CPA6: variants seen among roughly 807,000 people sequenced by gnomAD.
CPA6 encodes the protein carboxypeptidase B.
Under a neutral mutation model 63.3 loss-of-function variants are expected in CPA6, and 58 were observed. The observed-to-expected ratio is 0.92, with a 90% CI of 0.74 to 1.14. The LOEUF is 1.14. Among genes scored for constraint, CPA6 ranks in the 50% most tolerant of loss-of-function variants. The pLI, the probability that CPA6 is intolerant of heterozygous loss-of-function variation, is 0.00. For synonymous variants in CPA6, 185 were observed against 179.0 expected (o/e 1.03, Z -0.27); for missense variants, 565 against 526.6 (o/e 1.07, Z -0.71).
intron 2 of CPA6, among the ~76,000 whole-genome samples, chr8:67,519,162 ATC>A (rs1395556971): frequency 6.6e-6 from 1 of 152,204 alleles, no homozygotes; most frequent in African/African-American, 2.4e-5. Context: ...CAGAAGCCAC[ATC>A]TGTTTCCTTA....
intron 2 of CPA6, among the ~76,000 whole-genome samples, chr8:67,600,309 A>G (rs1316316613): frequency 7.3e-6 from 1 of 136,236 alleles, no homozygotes; most frequent in African/African-American, 2.7e-5. Context: ...AATCTAAAAA[A>G]GTTGAATTCA....
intron 8 of CPA6, among the ~76,000 whole-genome samples, chr8:67,480,192 G>A (rs147509222): frequency 1.3e-5 from 2 of 152,138 alleles, no homozygotes; most frequent in African/African-American, 4.8e-5. Flanking sequence ...TAGCTGTATT[G>A]CTTTATAATC....
intron 1 of CPA6, among the ~76,000 whole-genome samples, chr8:67,729,768 A>G (rs1436814984): frequency 1.3e-5 from 2 of 152,220 alleles, no homozygotes; most frequent in African/African-American, 4.8e-5. Context: ...GATGAAACAA[A>G]TAGTTTATAG....
chr8:67,571,883 T>G (rs1483876056), intron 2 of CPA6, among the ~76,000 whole-genome samples: 1 of 152,052 alleles, frequency 6.6e-6, no homozygotes, highest in Non-Finnish European at 1.5e-5. Context: ...GGAAGATTGA[T>G]TAAACTAAGA....
At chr8:67,581,128 T>C (rs1358001501) in intron 2 of CPA6, among the ~76,000 whole-genome samples, 2 of 152,200 alleles carry the variant, frequency 1.3e-5, no homozygotes, top group Non-Finnish European at 2.9e-5. Flanking sequence ...ATATGTACTA[T>C]GTAATATTAA....
intron 2 of CPA6, among the ~76,000 whole-genome samples, chr8:67,599,298 G>A (rs1268152254): frequency 6.6e-6 from 1 of 152,158 alleles, no homozygotes; most frequent in Non-Finnish European, 1.5e-5. Flanking sequence ...TAAACTTGAT[G>A]CTTCAACTTC....
chr8:67,491,338 G>A (rs967810469), intron 6 of CPA6, among the ~76,000 whole-genome samples: 4 of 149,480 alleles, frequency 2.7e-5, no homozygotes, highest in African/African-American at 7.4e-5. Context: ...TGAAAGTAAC[G>A]AGAAGAAAAG....
At chr8:67,520,106 T>A (rs1275227329) in intron 2 of CPA6, among the ~76,000 whole-genome samples, 4 of 152,178 alleles carry the variant, frequency 2.6e-5, no homozygotes, top group East Asian at 1.9e-4. Context: ...CAGATTTTTT[T>A]ATATTAAGGA....
intron 1 of CPA6, among the ~76,000 whole-genome samples, chr8:67,662,200 C>G (rs1346103443): frequency 6.6e-6 from 1 of 152,100 alleles, no homozygotes; most frequent in East Asian, 1.9e-4. Context: ...AGAGTGTTAT[C>G]TCCTGATGGC....
In CPA6 at chr8:67,611,606, TA is replaced by T. The variant is rs1200836134; in HGVS notation, c.192+12569del. 2.6e-5 allele frequency among the ~76,000 whole-genome samples: 4 copies of T among 152,318 alleles called. No individual in the cohort carries two copies. In the East Asian group the frequency reaches 7.7e-4, roughly 29 times the overall value. On this transcript the variant is annotated intron_variant, in intron 2 of 10. Transcript: ENST00000297770. ...CTTGTGAAACTCAAGCTAGACTCCA[TA>T]AATATTTCTCCTTTGATAGCTGGTC... is the stretch of plus-strand genomic sequence containing the variant.
chr8:67,513,721 T>A (rs540926787), intron 3 of CPA6, among the ~76,000 whole-genome samples: 1 of 152,172 alleles, frequency 6.6e-6, no homozygotes, highest in Non-Finnish European at 1.5e-5. Flanking sequence ...ATCTTCCTTG[T>A]TAAGTGATTG....
chr8:67,656,512 T>C (rs1386851934), intron 1 of CPA6, among the ~76,000 whole-genome samples: 1 of 152,174 alleles, frequency 6.6e-6, no homozygotes, highest in African/African-American at 2.4e-5. Flanking sequence ...CTCTTGGTGA[T>C]GTGATATCCC....
chr8:67,531,964 GT>G (rs1812486390), intron 2 of CPA6, among the ~76,000 whole-genome samples: 1 of 152,188 alleles, frequency 6.6e-6, no homozygotes, highest in African/African-American at 2.4e-5. Context: ...AGAAGTCAGT[GT>G]AGAGAAATTA....
intron 8 of CPA6, among the ~76,000 whole-genome samples, chr8:67,445,224 G>A (rs1193964606): frequency 6.7e-6 from 1 of 148,880 alleles, no homozygotes; most frequent in Non-Finnish European, 1.5e-5. Flanking sequence ...GCAGATTTAA[G>A]ATTTTTTTTT....
rs3055690 is a variant in CPA6, at chr8:67,530,217, G to GA, written c.193-12171dup. On this transcript the variant is annotated intron_variant, in intron 2 of 10. Coordinates refer to ENST00000297770, the MANE Select transcript of CPA6 (RefSeq NM_020361.5). The stretch of plus-strand genomic sequence containing the variant: ...GTAGAACAAAATGGTAAAAAGACAG[G>GA]AAAAAAAAAAAAATAAGGCATGCAG... Among the ~76,000 whole-genome samples, 201 of 138,286 alleles carry GA rather than the reference G, an allele frequency of 1.5e-3. 2 individuals are homozygous for GA. The highest frequency in any genetic ancestry group is 3.5e-3 in the East Asian group (16 of 4,570). 90.7% of individuals were successfully genotyped at this position (138,286 alleles called of 152,430 possible). A position where few individuals can be genotyped will look rare whatever the true frequency, so the allele number is the denominator to read the frequency against.
intron 1 of CPA6, among the ~76,000 whole-genome samples, chr8:67,718,975 T>C (rs1301936184): frequency 6.6e-6 from 1 of 152,094 alleles, no homozygotes; most frequent in Non-Finnish European, 1.5e-5. Context: ...GGAACTATCT[T>C]CCTGTTTGAA....
At chr8:67,547,207 C>A (rs1204392789) in intron 2 of CPA6, among the ~76,000 whole-genome samples, 2 of 152,018 alleles carry the variant, frequency 1.3e-5, no homozygotes, top group African/African-American at 4.8e-5. Context: ...CCACCACGCC[C>A]GGCTAAATTT....
chr8:67,596,728 G>T (rs969517829), intron 2 of CPA6, among the ~76,000 whole-genome samples: 9 of 151,964 alleles, frequency 5.9e-5, no homozygotes, highest in Non-Finnish European at 1.3e-4. Flanking sequence ...TCTTTTTCTT[G>T]TCCAGGATTC....
chr8:67,647,967 T>C (rs1284134948), intron 1 of CPA6, among the ~76,000 whole-genome samples: 1 of 152,182 alleles, frequency 6.6e-6, no homozygotes, highest in Non-Finnish European at 1.5e-5. Flanking sequence ...ACTGGGATAT[T>C]GGGTATCACT....
Sources: gnomAD v4.1 joint callset for allele counts (sites outside exome capture counted in the v4.1 genomes callset) on GRCh38, gnomAD v4.1.1 for gene constraint, MANE v1.5 for transcripts, NCBI Gene and HGNC (gene_info 2026-07-23, HGNC 2026-07-21) for gene names.